The following MFAP1 variants were observed in gnomAD, a reference collection of about 807,000 sequenced individuals.
MFAP1 encodes the protein microfibrillar-associated protein 1.
Under a neutral mutation model 62.2 loss-of-function variants are expected in MFAP1, and 18 were observed. The observed-to-expected ratio is 0.29, with a 90% CI of 0.20 to 0.43. MFAP1 has a LOEUF of 0.43. Among genes scored for constraint, MFAP1 ranks in the 20% least tolerant of loss-of-function variants. MFAP1 has a pLI of 1.00. For synonymous variants in MFAP1, 175 were observed against 180.4 expected, an observed-to-expected ratio of 0.97 and a Z score of 0.24; for missense variants, 355 against 559.7, an observed-to-expected ratio of 0.63 and a Z score of 3.69.
intron 1 of MFAP1, 38 bp downstream of exon 1, chr15:43,824,453 G>A (rs2087486544): frequency 1.2e-6 from 2 of 1,610,176 alleles, no homozygotes; most frequent in Non-Finnish European, 1.7e-6. Context: ...GCCGGAAGGG[G>A]TTAAAATTCG....
intron 7 of MFAP1, among the ~76,000 whole-genome samples, chr15:43,806,236 T>A (rs2087364616): frequency 6.6e-6 from 1 of 152,192 alleles, no homozygotes; most frequent in African/African-American, 2.4e-5. Context: ...CAATCCTGGA[T>A]TTTTTACTGG....
intron 1 of MFAP1, among the ~76,000 whole-genome samples, chr15:43,821,918 C>G (rs2087469034): frequency 6.6e-6 from 1 of 151,652 alleles, no homozygotes; most frequent in African/African-American, 2.4e-5. Context: ...GTTGATAAAT[C>G]TGATAATACT....
intron 6 of MFAP1, 54 bp from the exon 7 acceptor site, chr15:43,809,968 A>C (rs1407155020): frequency 2.5e-6 from 4 of 1,588,992 alleles, no homozygotes; most frequent in Non-Finnish European, 3.4e-6. Context: ...AGAAAGACCA[A>C]ATTATCTGAA....
chr15:43,805,335 T>TA, intron 8 of MFAP1, 41 bp downstream of exon 8: 1 of 1,604,648 alleles, frequency 6.2e-7, no homozygotes. Flanking sequence ...CAGCTATCAA[T>TA]ACATCACTTT....
chr15:43,814,910 T>C (rs759950452), intron 3 of MFAP1, 35 bp downstream of exon 3: 27 of 1,609,474 alleles, frequency 1.7e-5, no homozygotes, highest in Non-Finnish European at 2.2e-5. Flanking sequence ...TTTTCTTATA[T>C]CCAGAAAAAA....
rs2087423611 is a variant in MFAP1 at position 43,814,698 on chromosome 15, C to CAT, written c.430-12_430-11dup. 1.2e-6 allele frequency: 2 copies of CAT among 1,612,964 alleles called. No homozygotes were observed. Among genetic ancestry groups the CAT allele is most frequent in the African/African-American group, 1.3e-5 (1 of 74,904 alleles). On this transcript the variant is annotated splice_polypyrimidine_tract_variant and intron_variant, in intron 3 of 8. Transcript: ENST00000267812. ...GCCGCCGCTCTATTTCCTATCAAGT[C>CAT]ATATATATAAGCCAGTCAGTCAAAT...
rs2087411435 is a variant in MFAP1 at position 43,813,004 on chromosome 15, G to A, written c.870C>T (p.Asp290=). 6.2e-7 allele frequency: 1 copy of A among 1,613,990 alleles called. No individual in the cohort carries two copies. Among genetic ancestry groups the A allele is most frequent in the Admixed American group, 1.7e-5 (1 of 59,990 alleles). ...KVRELKRIKR[D]REDREALEKE... ...TTACTCACGCTTCTCGATCTTCTCT[G>A]TCCCTCTTGATTCTTTTTAGCTCTC... The change falls in exon 6 of 9, where the codon GAC becomes GAT. Residue 290 remains aspartate (D), a synonymous_variant. Transcript: ENST00000267812.
At chr15:43,824,186 G>A (rs2087484569) in intron 1 of MFAP1, among the ~76,000 whole-genome samples, 1 of 150,706 alleles carries the variant, frequency 6.6e-6, no homozygotes. Flanking sequence ...ATATATATTA[G>A]ACATATATAT....
intron 1 of MFAP1, among the ~76,000 whole-genome samples, chr15:43,820,677 C>G (rs2087461948): frequency 6.6e-6 from 1 of 152,196 alleles, no homozygotes; most frequent in Non-Finnish European, 1.5e-5. Context: ...GCAATCATGG[C>G]TCACCGCAGC....
chr15:43,809,860 C>G lies in MFAP1; in HGVS notation c.942G>C (p.Glu314Asp). The G allele has an allele frequency of 6.2e-7, 1 of 1,614,186 alleles. No individual in the cohort carries two copies. Among genetic ancestry groups the G allele is most frequent in the African/African-American group, 1.3e-5 (1 of 75,050 alleles). Reference sequence around the variant, plus strand: ...CGTTTGCCCGAAGTTCAGCTCTCCTCTCTTCCTCAGTCAGGTTTCGCATGC... The same window carrying G: ...CGTTTGCCCGAAGTTCAGCTCTCCTGTCTTCCTCAGTCAGGTTTCGCATGC... The part of the protein sequence containing the change: ...IERMRNLTEE[E>D]RRAELRANGK... The change falls in exon 7 of 9, where the codon GAG becomes GAC. Residue 314 changes from glutamate to aspartate, a missense_variant. Physicochemically the swap from Glu to Asp is conservative, Grantham distance 45 (BLOSUM62 2). Transcript: ENST00000267812.
chr15:43,807,584 A>G (rs1366231410), intron 7 of MFAP1, among the ~76,000 whole-genome samples: 2 of 151,584 alleles, frequency 1.3e-5, no homozygotes, highest in East Asian at 2.0e-4. Flanking sequence ...TCCTGACCTC[A>G]TGATCCGCCT....
At chr15:43,817,917 A>G (rs2087444107) in intron 1 of MFAP1, among the ~76,000 whole-genome samples, 1 of 152,206 alleles carries the variant, frequency 6.6e-6, no homozygotes, top group African/African-American at 2.4e-5. Flanking sequence ...ACATACTGCC[A>G]CATGACTCAA....
chr15:43,816,655 G>A (rs529433788), intron 2 of MFAP1, among the ~76,000 whole-genome samples: 5 of 152,186 alleles, frequency 3.3e-5, no homozygotes, highest in African/African-American at 1.2e-4. Flanking sequence ...TTTGGCCCAG[G>A]AGCTCTGTGA....
Position 43,809,829 on chromosome 15 carries a change from CTT to C in MFAP1, c.971_972del (p.Lys324SerfsTer8). 1 of 1,614,154 alleles carries C rather than the reference CTT, an allele frequency of 6.2e-7. No individual in the cohort carries two copies. Among genetic ancestry groups the C allele is most frequent in the Non-Finnish European group, 8.5e-7 (1 of 1,180,018 alleles). ...CCCTTAACAGCTTTGTTGGTAATGA[CTT>C]TGCCGTTTGCCCGAAGTTCAGCTCT... Reference protein sequence around the residue: ...ERRAELRANGKVITNKAVKGK... With the variant: ...ERRAELRANGXVITNKAVKGK... On this transcript the variant is annotated frameshift_variant, in exon 7 of 9. Coordinates refer to ENST00000267812, the MANE Select transcript of MFAP1 (RefSeq NM_005926.3). LOFTEE classifies it high-confidence loss of function.
At chr15:43,814,023 G>A (rs2087419402) in intron 4 of MFAP1, among the ~76,000 whole-genome samples, 1 of 152,096 alleles carries the variant, frequency 6.6e-6, no homozygotes, top group Non-Finnish European at 1.5e-5. Context: ...GGAGGCTGAG[G>A]AGGACGGATC....
rs373137037 is a variant in MFAP1 at position 43,817,429 on chromosome 15, T to C, written c.99A>G (p.Lys33=). The part of the protein sequence containing the change: ...RNEKGEISME[K]VKVKRYVSGK... Reference sequence around the variant, plus strand: ...CGGACACATAACGCTTTACCTTCACTTTTTCCATTGAAATCTCACCTGGGC... The same window carrying C: ...CGGACACATAACGCTTTACCTTCACCTTTTCCATTGAAATCTCACCTGGGC... Residue 33 remains lysine, a synonymous_variant, in exon 2 of 9, where the codon AAA becomes AAG. Coordinates refer to ENST00000267812, the MANE Select transcript of MFAP1 (RefSeq NM_005926.3). 6.2e-7 allele frequency: 1 copy of C among 1,614,160 alleles called. No individual in the cohort carries two copies. The highest frequency in any genetic ancestry group is 1.3e-5 in the African/African-American group (1 of 75,028).
At chr15:43,809,521 A>G (rs1391319929) in intron 7 of MFAP1, among the ~76,000 whole-genome samples, 5 of 151,280 alleles carry the variant, frequency 3.3e-5, no homozygotes, top group East Asian at 1.9e-4. Flanking sequence ...CTATTACATC[A>G]TTTCCTATTT....
intron 1 of MFAP1, among the ~76,000 whole-genome samples, chr15:43,818,270 C>T (rs1376630118): frequency 2.0e-5 from 3 of 152,074 alleles, no homozygotes; most frequent in Non-Finnish European, 4.4e-5. Flanking sequence ...CCGCCCACCT[C>T]AGCCTCCCAA....
rs953953100 is a variant in MFAP1 at position 43,815,009 on chromosome 15, C to T, written c.365G>A (p.Gly122Glu). Residue 122 changes from glycine to glutamate, a missense_variant, in exon 3 of 9, where the codon GGA (glycine) becomes GAA (glutamate). Around this residue, in one of 6 missense-constraint regions of MFAP1, gnomAD observed 257 missense variants for 341.3 expected, o/e 0.75. Transcript: ENST00000267812. ...TTCTCGTTCCATGCGCCAAGCATCTCCTTCTACTTCTGAGTCACTCTCTCC... is the reference window on the plus strand; with the variant it reads ...TTCTCGTTCCATGCGCCAAGCATCTTCTTCTACTTCTGAGTCACTCTCTCC... ...VVGESDSEVE[G>E]DAWRMEREDS... is the part of the protein sequence containing the mutation. 4 of 1,614,168 alleles carry T rather than the reference C, an allele frequency of 2.5e-6. No homozygotes were observed. In the South Asian group the frequency reaches 4.4e-5, roughly 18 times the overall value.
Sources: allele counts gnomAD v4.1 joint callset (sites outside exome capture counted in the v4.1 genomes callset), GRCh38; gene constraint gnomAD v4.1.1; regional missense constraint gnomAD v4.1.1; transcripts MANE v1.5; gene names NCBI Gene and HGNC (gene_info 2026-07-23, HGNC 2026-07-21).